The following ELF2 variants were observed in gnomAD, a reference collection of about 807,000 sequenced individuals.
ELF2 encodes the protein ETS-related transcription factor Elf-2.
A neutral mutation model predicts 54.8 loss-of-function variants in ELF2; 11 were observed. That is an observed-to-expected ratio of 0.20 (90% CI 0.13 to 0.33). ELF2 has a LOEUF of 0.33. Ranked by LOEUF, ELF2 falls within the 10% of genes least tolerant of loss-of-function variation. ELF2 has a pLI of 1.00. For missense variants in ELF2, 513 were observed against 703.0 expected (o/e 0.73, Z 3.06); for synonymous variants, 203 against 245.1 (o/e 0.83, Z 1.61).
chr4:139,077,808 C>T (rs1261577353), intron 4 of ELF2, among the ~76,000 whole-genome samples: 2 of 152,108 alleles, frequency 1.3e-5, no homozygotes, highest in East Asian at 1.9e-4. Flanking sequence ...CCTTATCTTA[C>T]TTAAAACTTG....
chr4:139,115,037 C>T, intron 4 of ELF2: 2 of 1,613,958 alleles, frequency 1.2e-6, no homozygotes, highest in African/African-American at 1.3e-5. Flanking sequence ...AGCTCCTTGA[C>T]CGTGGCAGCC....
rs1264058068 is a variant in ELF2, at chr4:139,057,528, G to A, written c.*1455C>T. ...TTCAGATACCTTAACTTCCTAATCTGTAAAAGGGCTAGAAGAGTAATTGTT... is the reference window on the plus strand; with the variant it reads ...TTCAGATACCTTAACTTCCTAATCTATAAAAGGGCTAGAAGAGTAATTGTT... On this transcript the variant is annotated 3_prime_UTR_variant, in exon 10 of 10. Coordinates refer to ENST00000686138, the MANE Select transcript of ELF2 (RefSeq NM_001331036.3). The A allele has an allele frequency of 6.6e-6, 1 of 152,164 alleles. No homozygotes were observed. Among genetic ancestry groups the A allele is most frequent in the African/African-American group, 2.4e-5 (1 of 41,446 alleles). The allele number at this position is 152,164 out of a possible 1,614,324, so 9.4% of individuals were successfully genotyped here. A position where few individuals can be genotyped will look rare whatever the true frequency, so the allele number is the denominator to read the frequency against.
At chr4:139,095,036 A>C (rs1733102569) in intron 4 of ELF2, among the ~76,000 whole-genome samples, 1 of 150,782 alleles carries the variant, frequency 6.6e-6, no homozygotes, top group Non-Finnish European at 1.5e-5. Flanking sequence ...GTCATCTGTA[A>C]ATAATAACAA....
At chr4:139,094,943 T>C (rs540314270) in intron 4 of ELF2, among the ~76,000 whole-genome samples, 55 of 152,292 alleles carry the variant, frequency 3.6e-4, no homozygotes, top group Admixed American at 9.8e-4. Context: ...ATTATTGCTC[T>C]TGCATACGGC....
intron 4 of ELF2, among the ~76,000 whole-genome samples, chr4:139,107,512 C>A (rs1362184449): frequency 6.6e-6 from 1 of 152,046 alleles, no homozygotes; most frequent in Non-Finnish European, 1.5e-5. Context: ...CGATTATAAA[C>A]CAATTTTAAA....
intron 1 of ELF2, among the ~76,000 whole-genome samples, chr4:139,167,206 CGTTA>C (rs1330128517): frequency 6.6e-6 from 1 of 152,090 alleles, no homozygotes; most frequent in African/African-American, 2.4e-5. Flanking sequence ...CAATTAGAAA[CGTTA>C]GTTATATTAC....
rs976567271 is a variant in ELF2 at position 139,156,945 on chromosome 4, C to A, written c.-251-17448G>T. Among the ~76,000 whole-genome samples the A allele has an allele frequency of 3.9e-5, 6 of 152,154 alleles. No individual in the cohort carries two copies. The South Asian group carries it at 8.3e-4, about 21-fold the overall frequency. ...CACCACACCCAGCCTTAATCTTACACATATATTCTTATGTACTATACACAT... is the reference window on the plus strand; with the variant it reads ...CACCACACCCAGCCTTAATCTTACAAATATATTCTTATGTACTATACACAT... On this transcript the variant is annotated intron_variant, in intron 1 of 9. Coordinates refer to ENST00000686138, the MANE Select transcript of ELF2 (RefSeq NM_001331036.3).
At chr4:139,080,333 T>C (rs1442269725) in intron 4 of ELF2, among the ~76,000 whole-genome samples, 2 of 152,218 alleles carry the variant, frequency 1.3e-5, no homozygotes, top group Admixed American at 6.5e-5. Context: ...TTGAGTTTCA[T>C]TTTAATGTAT....
In ELF2 at chr4:139,160,252, C is replaced by A. The variant is rs7675990; in HGVS notation, c.-252+16715G>T. Among the ~76,000 whole-genome samples the A allele has an allele frequency of 3.3e-5, 5 of 152,238 alleles. No homozygotes were observed. The South Asian group carries it at 1.0e-3, about 32-fold the overall frequency. ...GGGAACACTGTGAGAGCCAAGTTCTCAGATGCCAGCCAATGGCCAATCTTG... is the reference window on the plus strand; with the variant it reads ...GGGAACACTGTGAGAGCCAAGTTCTAAGATGCCAGCCAATGGCCAATCTTG... On this transcript the variant is annotated intron_variant, in intron 1 of 9. Coordinates refer to ENST00000686138, the MANE Select transcript of ELF2 (RefSeq NM_001331036.3).
At chr4:139,169,134 G>C (rs1742003943) in intron 1 of ELF2, among the ~76,000 whole-genome samples, 1 of 151,856 alleles carries the variant, frequency 6.6e-6, no homozygotes, top group Admixed American at 6.6e-5. Context: ...GATCACTTGA[G>C]GTCAGGAGTT....
intron 1 of ELF2, among the ~76,000 whole-genome samples, chr4:139,156,207 G>A (rs545470579): frequency 7.3e-5 from 11 of 151,600 alleles, no homozygotes; most frequent in Admixed American, 5.3e-4. Flanking sequence ...ACGGAGTCTC[G>A]CTCTGTTGCT....
chr4:139,135,239 G>A lies in ELF2; in HGVS notation c.72+2391C>T, dbSNP rs1296925561. The stretch of plus-strand genomic sequence containing the variant: ...ATTATACATATACTACTATATATAT[G>A]TGTGTGTGTGTGTGTGTGTGTGTGT... On this transcript the variant is annotated intron_variant, in intron 3 of 9. Coordinates refer to ENST00000686138, the MANE Select transcript of ELF2 (RefSeq NM_001331036.3). 4.6e-3 allele frequency among the ~76,000 whole-genome samples: 225 copies of A among 48,860 alleles called. 1 individual carries two copies. Among genetic ancestry groups the A allele is most frequent in the African/African-American group, 0.017 (201 of 11,812 alleles). The allele number at this position is 48,860 out of a possible 152,430, so 32.1% of individuals were successfully genotyped here.
chr4:139,128,952 T>C (rs972611269), intron 3 of ELF2, among the ~76,000 whole-genome samples: 3 of 151,982 alleles, frequency 2.0e-5, no homozygotes, highest in African/African-American at 7.2e-5. Context: ...CTCTACTTTC[T>C]TTTTTGAAAT....
At position 139,060,307 on chromosome 4, in the gene ELF2, T is replaced by C; in HGVS notation, c.1157+17A>G. 1.3e-6 allele frequency: 2 copies of C among 1,562,600 alleles called. No individual in the cohort carries two copies. Among genetic ancestry groups the C allele is most frequent in the Non-Finnish European group, 1.7e-6 (2 of 1,157,226 alleles). ...TAAAAAGTAAATACATTGTAACTAA[T>C]GGTTTGCTTCACTTACCTTGGAGCT... On this transcript the variant is annotated intron_variant, in intron 9 of 9. Coordinates refer to ENST00000686138, the MANE Select transcript of ELF2 (RefSeq NM_001331036.3).
chr4:139,129,334 T>A (rs904742492), intron 3 of ELF2, among the ~76,000 whole-genome samples: 2 of 152,220 alleles, frequency 1.3e-5, no homozygotes, highest in Non-Finnish European at 2.9e-5. Context: ...AGTGTCTCCT[T>A]TCTTTTTGCC....
chr4:139,171,587 A>C (rs897893434), intron 1 of ELF2, among the ~76,000 whole-genome samples: 5 of 150,768 alleles, frequency 3.3e-5, no homozygotes, highest in African/African-American at 1.2e-4. Flanking sequence ...TGACTCCACT[A>C]AACAGTACAC....
intron 4 of ELF2, among the ~76,000 whole-genome samples, chr4:139,121,999 A>G (rs928331335): frequency 7.2e-5 from 11 of 152,236 alleles, no homozygotes; most frequent in Non-Finnish European, 1.2e-4. Flanking sequence ...AAATCATAAT[A>G]TGATTTTAGT....
At chr4:139,171,956 A>T (rs931899548) in intron 1 of ELF2, among the ~76,000 whole-genome samples, 2 of 152,246 alleles carry the variant, frequency 1.3e-5, no homozygotes, top group African/African-American at 4.8e-5. Context: ...AGCTATAATT[A>T]AAAAAGAAAT....
chr4:139,077,545 A>G (rs539236635), intron 4 of ELF2, among the ~76,000 whole-genome samples: 1 of 152,270 alleles, frequency 6.6e-6, no homozygotes, highest in African/African-American at 2.4e-5. Flanking sequence ...AGTTTCCAAA[A>G]CTTAACACAT....
Sources: gnomAD v4.1 joint callset for allele counts (sites outside exome capture counted in the v4.1 genomes callset) on GRCh38, gnomAD v4.1.1 for gene constraint, MANE v1.5 for transcripts, NCBI Gene and HGNC (gene_info 2026-07-23, HGNC 2026-07-21) for gene names.